Variants in PTPRG observed in about 807,000 individuals in gnomAD.
PTPRG encodes protein tyrosine phosphatase receptor type G, also known as receptor-type tyrosine-protein phosphatase gamma.
Under a neutral mutation model 165.3 loss-of-function variants are expected in PTPRG, and 102 were observed. The ratio of observed to expected loss-of-function variants is 0.62; its 90% CI spans 0.53 to 0.73. PTPRG has a LOEUF of 0.73. PTPRG is among the 30% of genes least tolerant of loss of function. The pLI is 0.00. For synonymous variants in PTPRG, 675 were observed against 669.5 expected, an observed-to-expected ratio of 1.01 and a Z score of -0.13; for missense variants, 1,866 against 1,861.4, an observed-to-expected ratio of 1.00 and a Z score of -0.05.
intron 1 of PTPRG, among the ~76,000 whole-genome samples, chr3:61,605,030 G>A (rs927722058): frequency 1.3e-5 from 2 of 152,118 alleles, no homozygotes; most frequent in African/African-American, 2.4e-5. Context: ...CGGACCTAAA[G>A]GCCTTTCTTG....
intron 2 of PTPRG, among the ~76,000 whole-genome samples, chr3:61,979,763 T>C (rs1485759314): frequency 6.6e-6 from 1 of 152,178 alleles, no homozygotes; most frequent in Non-Finnish European, 1.5e-5. Flanking sequence ...CCAGATAGCA[T>C]TTAATAGTTA....
chr3:62,258,771 G>A (rs1211760453), intron 16 of PTPRG, among the ~76,000 whole-genome samples: 2 of 152,154 alleles, frequency 1.3e-5, no homozygotes, highest in African/African-American at 2.4e-5. Flanking sequence ...TTGTGATAGC[G>A]TTGGATGACA....
intron 2 of PTPRG, among the ~76,000 whole-genome samples, chr3:61,885,006 G>C (rs1037722170): frequency 6.6e-6 from 1 of 152,118 alleles, no homozygotes; most frequent in Non-Finnish European, 1.5e-5. Flanking sequence ...TCTGTCCTGC[G>C]TGTGCATTTG....
chr3:62,120,625 C>T (rs1440608166), intron 5 of PTPRG, among the ~76,000 whole-genome samples: 3 of 151,804 alleles, frequency 2.0e-5, no homozygotes, highest in African/African-American at 4.8e-5. Flanking sequence ...GTGGCATGCA[C>T]CTGTAATTCC....
intron 1 of PTPRG, among the ~76,000 whole-genome samples, chr3:61,609,647 A>G (rs150035425): frequency 1.7e-4 from 26 of 152,228 alleles, no homozygotes; most frequent in Middle Eastern, 3.4e-3. Context: ...GCTTGAGCCC[A>G]AGAGTTTGAG....
chr3:62,267,813 A>AG lies in PTPRG; in HGVS notation c.2870dup (p.Arg958LysfsTer5). ...TGATGATTACGAACCTTGTGGAAAAAGGAAGAGTAAGAGCCTTTTGACTCA... is the reference window on the plus strand; with the variant it reads ...TGATGATTACGAACCTTGTGGAAAAAGGGAAGAGTAAGAGCCTTTTGACTCA... On this transcript the variant is annotated frameshift_variant, in exon 19 of 30. Coordinates refer to ENST00000474889, the MANE Select transcript of PTPRG (RefSeq NM_002841.4). LOFTEE classifies it high-confidence loss of function. 6.2e-7 allele frequency: 1 copy of AG among 1,612,368 alleles called. No individual in the cohort carries two copies. The highest frequency in any genetic ancestry group is 8.5e-7 in the Non-Finnish European group (1 of 1,179,138).
At chr3:61,580,114 C>T (rs1404787818) in intron 1 of PTPRG, among the ~76,000 whole-genome samples, 1 of 152,108 alleles carries the variant, frequency 6.6e-6, no homozygotes, top group Non-Finnish European at 1.5e-5. Flanking sequence ...GGCTTGTGGT[C>T]AACAGTAGGC....
At chr3:61,748,726 G>GTT (rs11328533) in intron 1 of PTPRG, 152 bp from the exon 2 acceptor site, 1,559 of 505,688 alleles carry the variant, frequency 3.1e-3, no homozygotes, top group South Asian at 8.3e-3. Context: ...CTTTCCTATA[G>GTT]TTTTTTTTTT....
rs191025933 is a variant in PTPRG, at chr3:62,264,798, G to C, written c.2656+1904G>C. Among the ~76,000 whole-genome samples the C allele has an allele frequency of 4.6e-5, 7 of 151,998 alleles. No individual in the cohort carries two copies. In the East Asian group the frequency reaches 1.4e-3, roughly 29 times the overall value. On this transcript the variant is annotated intron_variant, in intron 17 of 29. Transcript: ENST00000474889. ...AGACAGATATTTTCACTTCTCTTTG[G>C]TGTATACGTAGGAGTAGAATTTGCT...
At chr3:62,014,777 AGGGTATAAGT>A (rs978675742) in intron 4 of PTPRG, among the ~76,000 whole-genome samples, 1 of 152,146 alleles carries the variant, frequency 6.6e-6, no homozygotes, top group Non-Finnish European at 1.5e-5. Flanking sequence ...ATTTATTGGA[AGGGTATAAGT>A]GGGTACTGAA....
At chr3:62,069,083 C>T (rs1341227902) in intron 4 of PTPRG, among the ~76,000 whole-genome samples, 1 of 152,178 alleles carries the variant, frequency 6.6e-6, no homozygotes, top group African/African-American at 2.4e-5. Context: ...TGTTGGCTAG[C>T]CTGTGGAAAT....
intron 8 of PTPRG, among the ~76,000 whole-genome samples, chr3:62,181,470 C>G (rs1705647197): frequency 6.6e-6 from 1 of 152,082 alleles, no homozygotes; most frequent in African/African-American, 2.4e-5. Flanking sequence ...CTATAAACAC[C>G]TACTCATTGT....
intron 5 of PTPRG, among the ~76,000 whole-genome samples, chr3:62,125,443 G>A (rs1246252874): frequency 6.6e-6 from 1 of 152,184 alleles, no homozygotes; most frequent in Non-Finnish European, 1.5e-5. Flanking sequence ...AAACAAGGGT[G>A]AGAGTTCACA....
chr3:61,709,761 AAAG>A (rs1371749654), intron 1 of PTPRG, among the ~76,000 whole-genome samples: 1 of 152,174 alleles, frequency 6.6e-6, no homozygotes, highest in Non-Finnish European at 1.5e-5. Flanking sequence ...CCAAGACTGA[AAAG>A]AAGCCTTTTC....
At chr3:62,145,039 C>T (rs1704067758) in intron 6 of PTPRG, among the ~76,000 whole-genome samples, 2 of 152,058 alleles carry the variant, frequency 1.3e-5, no homozygotes, top group Admixed American at 1.3e-4. Context: ...CCTCCATTTG[C>T]CTACTGCAAA....
At chr3:61,876,562 C>T (rs1275935322) in intron 2 of PTPRG, among the ~76,000 whole-genome samples, 1 of 152,124 alleles carries the variant, frequency 6.6e-6, no homozygotes. Flanking sequence ...TCAATACAAA[C>T]TTATTTTTTT....
chr3:62,189,892 G>A (rs950161037), intron 8 of PTPRG, among the ~76,000 whole-genome samples: 4 of 152,190 alleles, frequency 2.6e-5, no homozygotes, highest in Non-Finnish European at 5.9e-5. Context: ...CTGCCTGCCT[G>A]TCTTTTCTGT....
intron 2 of PTPRG, among the ~76,000 whole-genome samples, chr3:61,904,326 G>GC (rs1559679916): frequency 1.3e-5 from 2 of 152,108 alleles, no homozygotes; most frequent in African/African-American, 4.8e-5. Context: ...AAAATTTTGT[G>GC]CCAAGAGAAA....
chr3:61,849,264 A>G (rs2036892617), intron 2 of PTPRG, among the ~76,000 whole-genome samples: 2 of 152,200 alleles, frequency 1.3e-5, no homozygotes, highest in Non-Finnish European at 2.9e-5. Flanking sequence ...AACCATGGCC[A>G]CAATTAATGC....
Sources: gnomAD v4.1 joint callset for allele counts (sites outside exome capture counted in the v4.1 genomes callset) on GRCh38, gnomAD v4.1.1 for gene constraint, MANE v1.5 for transcripts, NCBI Gene and HGNC (gene_info 2026-07-23, HGNC 2026-07-21) for gene names.